The following XPR1 variants were observed in gnomAD, a reference collection of about 807,000 sequenced individuals.
XPR1 encodes the protein xenotropic and polytropic retrovirus receptor 1, also known as solute carrier family 53 member 1.
A neutral mutation model predicts 87.5 loss-of-function variants in XPR1; 28 were observed. That is an observed-to-expected ratio of 0.32 (90% CI 0.24 to 0.44). The LOEUF is 0.44. Ranked by LOEUF, XPR1 falls within the 20% of genes least tolerant of loss-of-function variation. The probability of loss-of-function intolerance (pLI) is 1.00; values close to 1 mark genes in which losing one functional copy is unlikely to be tolerated. For synonymous variants in XPR1, 300 were observed against 306.1 expected (o/e 0.98, Z 0.21); for missense variants, 559 against 862.3 (o/e 0.65, Z 4.41).
intron 10 of XPR1, 81 bp downstream of exon 10, chr1:180,835,126 A>C: frequency 6.9e-7 from 1 of 1,450,332 alleles, no homozygotes; most frequent in East Asian, 2.3e-5. Flanking sequence ...GAGAAAGTTA[A>C]GGTCATGATG....
intron 2 of XPR1, among the ~76,000 whole-genome samples, chr1:180,740,349 G>A (rs1469446718): frequency 6.6e-6 from 1 of 151,800 alleles, no homozygotes; most frequent in African/African-American, 2.4e-5. Context: ...CCTATTTCTA[G>A]TTTGCTGAGA....
intron 2 of XPR1, among the ~76,000 whole-genome samples, chr1:180,768,932 A>T (rs1241704740): frequency 2.0e-5 from 3 of 152,230 alleles, no homozygotes; most frequent in African/African-American, 7.2e-5. Context: ...GGCACATAGA[A>T]TTGAAAGAAC....
intron 11 of XPR1, among the ~76,000 whole-genome samples, chr1:180,838,122 G>A (rs1281527876): frequency 6.6e-6 from 1 of 151,948 alleles, no homozygotes; most frequent in African/African-American, 2.4e-5. Context: ...TAAAGTAAAT[G>A]GTCTATTAAC....
intron 1 of XPR1, among the ~76,000 whole-genome samples, chr1:180,658,842 T>C (rs933808403): frequency 1.3e-5 from 2 of 152,028 alleles, no homozygotes; most frequent in African/African-American, 4.8e-5. Context: ...GTGCTGGGAT[T>C]ACAGGAGTGA....
At chr1:180,707,055 T>C (rs542026087) in intron 2 of XPR1, among the ~76,000 whole-genome samples, 1 of 152,198 alleles carries the variant, frequency 6.6e-6, no homozygotes, top group Admixed American at 6.5e-5. Context: ...AAAAGAAATA[T>C]TTACTTGTAT....
intron 1 of XPR1, among the ~76,000 whole-genome samples, chr1:180,661,805 G>A (rs1655789751): frequency 6.6e-6 from 1 of 152,116 alleles, no homozygotes; most frequent in Admixed American, 6.5e-5. Flanking sequence ...AACCCAGGAG[G>A]TGGAAGTTGC....
At chr1:180,710,844 C>G (rs1657748867) in intron 2 of XPR1, among the ~76,000 whole-genome samples, 1 of 150,894 alleles carries the variant, frequency 6.6e-6, no homozygotes, top group South Asian at 2.1e-4. Flanking sequence ...CCCCACCTCC[C>G]TCCCGAACGG....
At chr1:180,808,177 A>G (rs1320689431) in intron 6 of XPR1, among the ~76,000 whole-genome samples, 1 of 152,184 alleles carries the variant, frequency 6.6e-6, no homozygotes. Flanking sequence ...GTGTCCAAAA[A>G]TAGACTAACA....
chr1:180,806,010 CA>C, intron 4 of XPR1, 51 bp from the exon 5 acceptor site: 1 of 1,577,286 alleles, frequency 6.3e-7, no homozygotes, highest in Non-Finnish European at 8.6e-7. Context: ...TCTTTTTCAT[CA>C]TTTTTGATGG....
intron 7 of XPR1, among the ~76,000 whole-genome samples, chr1:180,823,474 A>G (rs925406494): frequency 6.6e-6 from 1 of 152,172 alleles, no homozygotes; most frequent in African/African-American, 2.4e-5. Flanking sequence ...GGCCATTTTA[A>G]GTAGAGGGAA....
chr1:180,668,286 G>A lies in XPR1; in HGVS notation c.70-14074G>A, dbSNP rs185315014. ...TGGGATTACAAGCATATGCCACCAC[G>A]TCTGGCTAATTTGTGGGCTTTTAGT... On this transcript the variant is annotated intron_variant, in intron 1 of 14. Coordinates refer to ENST00000367590, the MANE Select transcript of XPR1 (RefSeq NM_004736.4). Among the ~76,000 whole-genome samples the A allele has an allele frequency of 2.9e-3, 438 of 151,768 alleles. 1 individual carries two copies. Among genetic ancestry groups the A allele is most frequent in the Non-Finnish European group, 4.7e-3 (318 of 67,906 alleles).
intron 2 of XPR1, among the ~76,000 whole-genome samples, chr1:180,749,069 C>T (rs575949369): frequency 1.1e-4 from 17 of 152,286 alleles, no homozygotes; most frequent in African/African-American, 1.7e-4. Flanking sequence ...GGCGTGGAGA[C>T]GCACACCTCT....
intron 2 of XPR1, among the ~76,000 whole-genome samples, chr1:180,687,480 A>C (rs1347789494): frequency 6.6e-6 from 1 of 152,202 alleles, no homozygotes; most frequent in Non-Finnish European, 1.5e-5. Context: ...ACTTTCATGT[A>C]AACATACTAT....
chr1:180,682,704 C>G (rs1171540409), intron 2 of XPR1, among the ~76,000 whole-genome samples: 1 of 151,858 alleles, frequency 6.6e-6, no homozygotes, highest in African/African-American at 2.4e-5. Context: ...TCCTTGCCTT[C>G]CCTCCCCTCC....
chr1:180,884,784 CATTT>C lies in XPR1; in HGVS notation c.*721_*724del, dbSNP rs1463037324. On this transcript the variant is annotated 3_prime_UTR_variant, in exon 15 of 15. Transcript: ENST00000367590. ...GGCAGGGGAAACTTACGTTGGATGACATTTATGAGGGTCAGTCCCACATACCTCT... is the reference window on the plus strand; with the variant it reads ...GGCAGGGGAAACTTACGTTGGATGACATGAGGGTCAGTCCCACATACCTCT... 1 of 152,614 alleles carries C rather than the reference CATTT, an allele frequency of 6.6e-6. No homozygotes were observed. The highest frequency in any genetic ancestry group is 1.5e-5 in the Non-Finnish European group (1 of 68,036). The allele number at this position is 152,614 out of a possible 1,614,324, so 9.5% of individuals were successfully genotyped here. A position where few individuals can be genotyped will look rare whatever the true frequency, so the allele number is the denominator to read the frequency against.
rs1223280939 is a variant in XPR1, at chr1:180,885,451, T to C, written c.*1385T>C. On this transcript the variant is annotated 3_prime_UTR_variant, in exon 15 of 15. Transcript: ENST00000367590. ...ATAGACTATTATGATCTGTCCACAG[T>C]GCCCATTGTCACTTCTTTGTCTCAT... 6.6e-6 allele frequency: 1 copy of C among 152,254 alleles called. No individual in the cohort carries two copies. The highest frequency in any genetic ancestry group is 6.5e-5 in the Admixed American group (1 of 15,286). 9.4% of individuals were successfully genotyped at this position (152,254 alleles called of 1,614,324 possible). A position where few individuals can be genotyped will look rare whatever the true frequency, so the allele number is the denominator to read the frequency against.
chr1:180,728,305 G>GT (rs1015818289), intron 2 of XPR1, among the ~76,000 whole-genome samples: 6 of 144,036 alleles, frequency 4.2e-5, no homozygotes, highest in Non-Finnish European at 6.1e-5. Context: ...ACTGGGGGGG[G>GT]GGGTAGTAAT....
intron 2 of XPR1, among the ~76,000 whole-genome samples, chr1:180,784,641 G>A (rs917745975): frequency 2.0e-5 from 3 of 151,866 alleles, no homozygotes; most frequent in Non-Finnish European, 4.4e-5. Context: ...TTATTGAAAT[G>A]TTCTATTTTT....
chr1:180,739,577 A>G (rs756480968), intron 2 of XPR1, among the ~76,000 whole-genome samples: 1 of 152,162 alleles, frequency 6.6e-6, no homozygotes, highest in Non-Finnish European at 1.5e-5. Context: ...AAGTGTCTCC[A>G]TTTAGGTCTT....
Sources: gnomAD v4.1 joint callset for allele counts (sites outside exome capture counted in the v4.1 genomes callset) on GRCh38, gnomAD v4.1.1 for gene constraint, MANE v1.5 for transcripts, NCBI Gene and HGNC (gene_info 2026-07-23, HGNC 2026-07-21) for gene names.